KLHL32: variants seen among roughly 807,000 people sequenced by gnomAD.
KLHL32 encodes kelch like family member 32, also known as kelch-like protein 32.
KLHL32 carries 35 observed loss-of-function variants against 64.8 expected under a neutral mutation model. That is an observed-to-expected ratio of 0.54 (90% CI 0.41 to 0.72). The LOEUF (loss-of-function observed/expected upper bound fraction) is 0.72. Among genes scored for constraint, KLHL32 ranks in the 30% least tolerant of loss-of-function variants. The pLI is 0.00. For missense variants in KLHL32, 589 were observed against 768.5 expected, an observed-to-expected ratio of 0.77 and a Z score of 2.76; for synonymous variants, 259 against 281.0, an observed-to-expected ratio of 0.92 and a Z score of 0.78.
chr6:97,104,253 C>T (rs1796111339), intron 6 of KLHL32, among the ~76,000 whole-genome samples: 1 of 152,206 alleles, frequency 6.6e-6, no homozygotes, highest in African/African-American at 2.4e-5. Context: ...ATATCTGGAA[C>T]TTACATGTGG....
chr6:97,019,716 T>G (rs2128103163), intron 3 of KLHL32, among the ~76,000 whole-genome samples: 1 of 152,280 alleles, frequency 6.6e-6, no homozygotes, highest in African/African-American at 2.4e-5. Flanking sequence ...CTTTCAACCG[T>G]AATAAAATAA....
At chr6:96,933,654 A>G (rs899820120) in intron 1 of KLHL32, among the ~76,000 whole-genome samples, 4 of 152,170 alleles carry the variant, frequency 2.6e-5, no homozygotes, top group African/African-American at 4.8e-5. Context: ...GAGTCTTTCT[A>G]TGTGGTGGAA....
rs1395697697 is a variant in KLHL32, at chr6:97,140,451, T to C, written c.*1169T>C. On this transcript the variant is annotated 3_prime_UTR_variant, in exon 11 of 11. Coordinates refer to ENST00000369261, the MANE Select transcript of KLHL32 (RefSeq NM_052904.4). Reference sequence around the variant, plus strand: ...CCAATACATATTTTATTACTATCTCTTTTAATAATGCATAGGAATTCTTTT... The same window carrying C: ...CCAATACATATTTTATTACTATCTCCTTTAATAATGCATAGGAATTCTTTT... 6.6e-6 allele frequency: 1 copy of C among 152,096 alleles called. No homozygotes were observed. The highest frequency in any genetic ancestry group is 1.5e-5 in the Non-Finnish European group (1 of 67,922). 9.4% of individuals were successfully genotyped at this position (152,096 alleles called of 1,614,324 possible).
At chr6:96,968,842 TA>T (rs1774790644) in intron 2 of KLHL32, among the ~76,000 whole-genome samples, 1 of 152,160 alleles carries the variant, frequency 6.6e-6, no homozygotes, top group South Asian at 2.1e-4. Context: ...GTAGTGGCAT[TA>T]TTATTTCCTC....
At chr6:97,037,325 G>C (rs1483432730) in intron 3 of KLHL32, among the ~76,000 whole-genome samples, 1 of 151,796 alleles carries the variant, frequency 6.6e-6, no homozygotes, top group East Asian at 1.9e-4. Context: ...ATCTCTACAA[G>C]GAATAATGGG....
Position 97,058,807 on chromosome 6 carries a change from A to G in KLHL32, c.313-5821A>G, listed in dbSNP as rs536389483. Among the ~76,000 whole-genome samples, 187 of 151,982 alleles carry G rather than the reference A, an allele frequency of 1.2e-3. 1 individual carries two copies. The highest frequency in any genetic ancestry group is 3.9e-3 in the African/African-American group (161 of 41,416). ...AACCACAGCCTGAGATTTGCCAAGC[A>G]GGAAAATACAAGGAGGCTGGTTGCC... is the stretch of plus-strand genomic sequence containing the variant. On this transcript the variant is annotated intron_variant, in intron 4 of 10. Coordinates refer to ENST00000369261, the MANE Select transcript of KLHL32 (RefSeq NM_052904.4).
At chr6:97,076,716 T>G (rs1238315422) in intron 5 of KLHL32, among the ~76,000 whole-genome samples, 1 of 152,208 alleles carries the variant, frequency 6.6e-6, no homozygotes, top group East Asian at 1.9e-4. Context: ...TGCATACGTA[T>G]GCTAAAAGTA....
At chr6:97,130,478 A>G (rs954725092) in intron 8 of KLHL32, among the ~76,000 whole-genome samples, 8 of 152,216 alleles carry the variant, frequency 5.3e-5, no homozygotes, top group South Asian at 2.1e-4. Flanking sequence ...GAAAATTTCA[A>G]TGTTCCCCTG....
At chr6:96,909,176 G>T in the KLHL32 span, among the ~76,000 whole-genome samples, 2 of 152,092 alleles carry the variant, frequency 1.3e-5, no homozygotes, top group African/African-American at 2.4e-5. Context: ...CCTGCCTTGG[G>T]TCAAGTGCCT....
intron 3 of KLHL32, among the ~76,000 whole-genome samples, chr6:97,021,162 T>A (rs967422821): frequency 1.5e-4 from 22 of 150,976 alleles, no homozygotes; most frequent in Admixed American, 4.6e-4. Flanking sequence ...GAGCCAATAG[T>A]GTTGGGTTTT....
At chr6:96,993,746 A>G (rs1321104504) in intron 3 of KLHL32, among the ~76,000 whole-genome samples, 2 of 152,192 alleles carry the variant, frequency 1.3e-5, no homozygotes, top group African/African-American at 2.4e-5. Flanking sequence ...AAAGGAGTTT[A>G]TCCTCATAAT....
chr6:96,921,562 C>CG (rs1180620837), upstream of KLHL32, among the ~76,000 whole-genome samples: 1 of 152,148 alleles, frequency 6.6e-6, no homozygotes, highest in Non-Finnish European at 1.5e-5. Context: ...TTGAGTAGTA[C>CG]AGTAATTAGA....
At chr6:97,025,773 T>G (rs989618749) in intron 3 of KLHL32, among the ~76,000 whole-genome samples, 1 of 152,208 alleles carries the variant, frequency 6.6e-6, no homozygotes, top group Non-Finnish European at 1.5e-5. Flanking sequence ...TTGAACCGTT[T>G]GCTTAATTTC....
chr6:96,934,703 C>T (rs980736771), intron 1 of KLHL32, among the ~76,000 whole-genome samples: 3 of 152,166 alleles, frequency 2.0e-5, no homozygotes, highest in South Asian at 2.1e-4. Context: ...TATGGTAGCT[C>T]GGTTGATTAA....
At chr6:97,096,665 C>G (rs1795031586) in intron 6 of KLHL32, among the ~76,000 whole-genome samples, 2 of 152,232 alleles carry the variant, frequency 1.3e-5, no homozygotes, top group African/African-American at 4.8e-5. Context: ...CAGTCCCTTT[C>G]CTACCAATTG....
rs200128085 is a variant in KLHL32 at position 97,139,269 on chromosome 6, T to C, written c.1850T>C (p.Ile617Thr). The change falls in exon 11 of 11, where the codon ATT (isoleucine) becomes ACT (threonine). Residue 617 changes from isoleucine (I) to threonine (T), a missense_variant. Physicochemically the swap from Ile to Thr is moderately conservative, Grantham distance 89. Around this residue, in one of 3 missense-constraint regions of KLHL32, gnomAD observed 172 missense variants for 192.0 expected, o/e 0.90. Transcript: ENST00000369261. The stretch of plus-strand genomic sequence containing the variant: ...ACTCTTCAAGTGCCTCATCACAGGA[T>C]TGGCACCATCTGAAAAGCCAAGCCA... ...LQTLQVPHHR[I>T]GTI is the part of the protein sequence containing the mutation. 4 of 1,613,328 alleles carry C rather than the reference T, an allele frequency of 2.5e-6. No individual in the cohort carries two copies. The highest frequency in any genetic ancestry group is 1.3e-5 in the African/African-American group (1 of 75,000).
intron 1 of KLHL32, among the ~76,000 whole-genome samples, chr6:96,955,765 C>T (rs1773182812): frequency 6.6e-6 from 1 of 151,978 alleles, no homozygotes; most frequent in Admixed American, 6.6e-5. Context: ...GGTGAAACCC[C>T]GTCTCTACTA....
intron 6 of KLHL32, among the ~76,000 whole-genome samples, chr6:97,111,551 C>A (rs1797145284): frequency 6.6e-6 from 1 of 152,156 alleles, no homozygotes; most frequent in East Asian, 1.9e-4. Context: ...CTGGCAGGAG[C>A]AAAACTCTGT....
intron 6 of KLHL32, among the ~76,000 whole-genome samples, chr6:97,103,274 T>C (rs967435444): frequency 3.3e-5 from 5 of 149,574 alleles, no homozygotes; most frequent in African/African-American, 9.8e-5. Context: ...AGTGCAGTGG[T>C]GCGATCTCAG....
Sources: gnomAD v4.1 joint callset for allele counts (sites outside exome capture counted in the v4.1 genomes callset) on GRCh38, gnomAD v4.1.1 for gene constraint, gnomAD v4.1.1 regional missense constraint, MANE v1.5 for transcripts, NCBI Gene and HGNC (gene_info 2026-07-23, HGNC 2026-07-21) for gene names.